Variants in GATAD2B observed in about 807,000 individuals in gnomAD.
GATAD2B encodes transcriptional repressor p66-beta.
GATAD2B carries 8 observed loss-of-function variants against 64.3 expected under a neutral mutation model. That is an observed-to-expected ratio of 0.12 (90% CI 0.07 to 0.22). The LOEUF is 0.22. Ranked by LOEUF, GATAD2B falls within the 10% of genes least tolerant of loss-of-function variation. The pLI is 1.00. For synonymous variants in GATAD2B, 281 were observed against 271.3 expected (o/e 1.04, Z -0.35); for missense variants, 453 against 752.0 (o/e 0.60, Z 4.65).
chr1:153,904,197 T>G (rs1437491030), intron 1 of GATAD2B, among the ~76,000 whole-genome samples: 3 of 151,750 alleles, frequency 2.0e-5, no homozygotes, highest in Admixed American at 1.3e-4. Flanking sequence ...GGAAAATCAT[T>G]TGAAACTGGA....
intron 8 of GATAD2B, 72 bp downstream of exon 8, chr1:153,813,178 C>T: frequency 8.4e-7 from 1 of 1,196,872 alleles, no homozygotes; most frequent in Non-Finnish European, 1.2e-6. Flanking sequence ...ACCACTCCTG[C>T]AAACTAGAAG....
At chr1:153,903,933 G>A (rs572718120) in intron 1 of GATAD2B, among the ~76,000 whole-genome samples, 6 of 152,216 alleles carry the variant, frequency 3.9e-5, no homozygotes, top group South Asian at 2.1e-4. Flanking sequence ...GCAGTGAGCC[G>A]TGACTGCACC....
intron 1 of GATAD2B, among the ~76,000 whole-genome samples, chr1:153,906,094 C>T (rs1373714211): frequency 4.7e-5 from 7 of 150,200 alleles, no homozygotes; most frequent in Admixed American, 2.0e-4. Context: ...TCCCCTCCCC[C>T]GCACCCCACA....
At chr1:153,843,697 C>T (rs1322286104) in intron 1 of GATAD2B, among the ~76,000 whole-genome samples, 1 of 151,620 alleles carries the variant, frequency 6.6e-6, no homozygotes, top group Non-Finnish European at 1.5e-5. Flanking sequence ...TCCACCTCAA[C>T]ATTTAGGGAT....
Position 153,818,804 on chromosome 1 carries a change from T to C in GATAD2B, c.584A>G (p.Asn195Ser), listed in dbSNP as rs761843660. 6.2e-7 allele frequency: 1 copy of C among 1,613,706 alleles called. No homozygotes were observed. The highest frequency in any genetic ancestry group is 2.2e-5 in the East Asian group (1 of 44,876). The change falls in exon 4 of 11, where the codon AAT becomes AGT. Residue 195 changes from asparagine to serine, a missense_variant. Physicochemically the swap from Asn to Ser is conservative, Grantham distance 46. This residue lies in a region of GATAD2B where 293 missense variants were observed against 417.2 expected (regional missense o/e 0.70). Transcript: ENST00000368655. The part of the protein sequence containing the change: ...KLRQSQLQKE[N>S]VVQKTPVVQN... ...AGGGCACATTACCTTCTGGACCACA[T>C]TCTCTTTCTGTAGCTGACTCTGTCT...
chr1:153,903,021 T>C (rs1025972816), intron 1 of GATAD2B, among the ~76,000 whole-genome samples: 9 of 151,930 alleles, frequency 5.9e-5, no homozygotes, highest in Middle Eastern at 3.2e-3. Flanking sequence ...ATTGAGACCA[T>C]CCTGGCTAAC....
chr1:153,814,811 A>G (rs2101877644), intron 7 of GATAD2B, among the ~76,000 whole-genome samples: 1 of 151,872 alleles, frequency 6.6e-6, no homozygotes, highest in Non-Finnish European at 1.5e-5. Context: ...CCCCGTCTCT[A>G]AGAAAAACAC....
intron 1 of GATAD2B, among the ~76,000 whole-genome samples, chr1:153,920,218 T>C (rs1678388849): frequency 6.6e-6 from 1 of 152,208 alleles, no homozygotes; most frequent in African/African-American, 2.4e-5. Context: ...CAAGACTCAC[T>C]GCTTAAAGGT....
chr1:153,858,021 G>A (rs1028899128), intron 1 of GATAD2B, among the ~76,000 whole-genome samples: 4 of 152,124 alleles, frequency 2.6e-5, no homozygotes, highest in African/African-American at 9.7e-5. Flanking sequence ...ATCTGGAGAT[G>A]CAATTGCTCT....
chr1:153,818,182 G>C lies in GATAD2B; in HGVS notation c.598-11C>G, dbSNP rs1674549925. On this transcript the variant is annotated splice_polypyrimidine_tract_variant and intron_variant, in intron 4 of 10. Coordinates refer to ENST00000368655, the MANE Select transcript of GATAD2B (RefSeq NM_020699.4). ...CTGTACAACTGGAGTCTGGGAGAGGGAAGAGAAAATAAGACTGTGGCCAAT... is the reference window on the plus strand; with the variant it reads ...CTGTACAACTGGAGTCTGGGAGAGGCAAGAGAAAATAAGACTGTGGCCAAT... 1 of 1,586,734 alleles carries C rather than the reference G, an allele frequency of 6.3e-7. No homozygotes were observed. Among genetic ancestry groups the C allele is most frequent in the Non-Finnish European group, 8.6e-7 (1 of 1,167,544 alleles).
intron 1 of GATAD2B, among the ~76,000 whole-genome samples, chr1:153,907,776 C>A (rs948419754): frequency 1.3e-5 from 2 of 150,684 alleles, no homozygotes; most frequent in African/African-American, 4.9e-5. Flanking sequence ...GTAGCTGGGA[C>A]TACAAATGCC....
At chr1:153,842,807 C>T (rs1397890473) in intron 1 of GATAD2B, among the ~76,000 whole-genome samples, 1 of 152,032 alleles carries the variant, frequency 6.6e-6, no homozygotes, top group Non-Finnish European at 1.5e-5. Context: ...CGCCTGCCAC[C>T]ACTCCTGGCT....
intron 1 of GATAD2B, among the ~76,000 whole-genome samples, chr1:153,903,623 G>A (rs1383760158): frequency 1.3e-5 from 2 of 152,250 alleles, no homozygotes; most frequent in Middle Eastern, 3.4e-3. Context: ...CAGAATTTCT[G>A]TTAACAGGAC....
chr1:153,839,626 T>C (rs145454493), intron 1 of GATAD2B, among the ~76,000 whole-genome samples: 1 of 152,316 alleles, frequency 6.6e-6, no homozygotes, highest in East Asian at 1.9e-4. Flanking sequence ...GTATTTATAA[T>C]GAAGGAGACA....
At chr1:153,901,857 T>TAAAAA (rs57902610) in intron 1 of GATAD2B, among the ~76,000 whole-genome samples, 5 of 146,388 alleles carry the variant, frequency 3.4e-5, no homozygotes, top group Non-Finnish European at 3.0e-5. Flanking sequence ...ATAAATAAAT[T>TAAAAA]AAATAAAATG....
At position 153,811,784 on chromosome 1, in the gene GATAD2B, T is replaced by C. The variant is rs376833705; in HGVS notation, c.1595A>G (p.Asn532Ser). 6.2e-7 allele frequency: 1 copy of C among 1,612,762 alleles called. No individual in the cohort carries two copies. The highest frequency in any genetic ancestry group is 1.3e-5 in the African/African-American group (1 of 74,808). The change falls in exon 10 of 11, where the codon AAC becomes AGC. Residue 532 changes from asparagine (N) to serine (S), a missense_variant. Physicochemically the swap from Asn to Ser is conservative, Grantham distance 46. Transcript: ENST00000368655. The part of the protein sequence containing the change: ...IPTSARSMLS[N>S]FAQAPQLSVP... ...AGACAACTGGGGTGCCTGTGCAAAGTTTGAAAGCATGGAGCGGGCAGATGT... is the reference window on the plus strand; with the variant it reads ...AGACAACTGGGGTGCCTGTGCAAAGCTTGAAAGCATGGAGCGGGCAGATGT...
chr1:153,896,247 G>C (rs1284626531), intron 1 of GATAD2B, among the ~76,000 whole-genome samples: 2 of 151,980 alleles, frequency 1.3e-5, no homozygotes, highest in Non-Finnish European at 2.9e-5. Context: ...GCATAAAACA[G>C]ATCCTGGCTC....
chr1:153,853,196 T>C, intron 1 of GATAD2B: 1 of 1,208,970 alleles, frequency 8.3e-7, no homozygotes, highest in Non-Finnish European at 1.2e-6. Context: ...TTTGCAGCTC[T>C]AGCTTCTGGA....
Position 153,807,470 on chromosome 1 carries a change from G to A in GATAD2B, c.*2707C>T, listed in dbSNP as rs927797357. 3 of 152,206 alleles carry A rather than the reference G, an allele frequency of 2.0e-5. No homozygotes were observed. The highest frequency in any genetic ancestry group is 7.2e-5 in the African/African-American group (3 of 41,430). 9.4% of individuals were successfully genotyped at this position (152,206 alleles called of 1,614,324 possible). On this transcript the variant is annotated 3_prime_UTR_variant, in exon 11 of 11. Transcript: ENST00000368655. ...CCTCCATCACTAATCCCTGGGAAGA[G>A]TATGAAAATGGGGAGAAGAAAGGGT...
Sources: allele counts gnomAD v4.1 joint callset (sites outside exome capture counted in the v4.1 genomes callset), GRCh38; gene constraint gnomAD v4.1.1; regional missense constraint gnomAD v4.1.1; transcripts MANE v1.5; gene names NCBI Gene and HGNC (gene_info 2026-07-23, HGNC 2026-07-21).